Variants in SHISA6 observed in about 807,000 individuals in gnomAD.
The protein encoded by SHISA6 is protein shisa-6.
A neutral mutation model predicts 47.9 loss-of-function variants in SHISA6; 22 were observed. The ratio of observed to expected loss-of-function variants is 0.46; its 90% CI spans 0.33 to 0.66. The LOEUF is 0.66. SHISA6 is among the 30% of genes least tolerant of loss of function. The pLI is 0.02. For synonymous variants in SHISA6, 388 were observed against 337.8 expected, an observed-to-expected ratio of 1.15 and a Z score of -1.63; for missense variants, 680 against 764.6, an observed-to-expected ratio of 0.89 and a Z score of 1.30.
At chr17:11,557,035 T>C (rs1597585793) in intron 5 of SHISA6, among the ~76,000 whole-genome samples, 1 of 152,120 alleles carries the variant, frequency 6.6e-6, no homozygotes, top group East Asian at 1.9e-4. Flanking sequence ...GAGGCGCACA[T>C]GTAAGATTAC....
At chr17:11,385,634 C>T (rs1913165750) in intron 3 of SHISA6, among the ~76,000 whole-genome samples, 2 of 151,984 alleles carry the variant, frequency 1.3e-5, no homozygotes, top group Admixed American at 1.3e-4. Context: ...TAGGAGTTTC[C>T]AGTAGGTGAG....
chr17:11,393,326 AC>A (rs1451927532), intron 3 of SHISA6, among the ~76,000 whole-genome samples: 1 of 152,016 alleles, frequency 6.6e-6, no homozygotes, highest in African/African-American at 2.4e-5. Context: ...ATTCTCTTGA[AC>A]TTACACACCA....
At chr17:11,264,623 A>G (rs762877941) in intron 2 of SHISA6, among the ~76,000 whole-genome samples, 5 of 152,164 alleles carry the variant, frequency 3.3e-5, no homozygotes, top group Non-Finnish European at 7.3e-5. Context: ...CTGCACATCT[A>G]TTGCTCAACA....
At chr17:11,478,131 AT>A (rs1916103583) in intron 3 of SHISA6, among the ~76,000 whole-genome samples, 2 of 58,662 alleles carry the variant, frequency 3.4e-5, no homozygotes, top group East Asian at 8.3e-4. Context: ...GTGAGATGGT[AT>A]CTCATTGTGG....
intron 3 of SHISA6, among the ~76,000 whole-genome samples, chr17:11,482,767 G>A (rs1916252622): frequency 6.6e-6 from 1 of 152,172 alleles, no homozygotes; most frequent in South Asian, 2.1e-4. Flanking sequence ...AATCTGGGAG[G>A]AAGAGAGGAG....
intron 3 of SHISA6, among the ~76,000 whole-genome samples, chr17:11,439,416 G>A (rs1047881392): frequency 2.6e-5 from 4 of 152,136 alleles, no homozygotes; most frequent in African/African-American, 9.7e-5. Flanking sequence ...AGTAACATTG[G>A]AAAGCCTTAG....
chr17:11,247,025 T>C (rs1907619592), intron 1 of SHISA6, among the ~76,000 whole-genome samples: 1 of 152,148 alleles, frequency 6.6e-6, no homozygotes, highest in Non-Finnish European at 1.5e-5. Flanking sequence ...GGGAGCACAT[T>C]CATTTCTGGG....
chr17:11,267,000 GT>G (rs1392263418), intron 2 of SHISA6, among the ~76,000 whole-genome samples: 1 of 152,230 alleles, frequency 6.6e-6, no homozygotes, highest in Non-Finnish European at 1.5e-5. Flanking sequence ...AACTTACTAT[GT>G]ATTGGGTACT....
intron 5 of SHISA6, 73 bp from the exon 6 acceptor site, chr17:11,557,681 G>C: frequency 7.1e-7 from 1 of 1,412,100 alleles, no homozygotes; most frequent in Non-Finnish European, 9.5e-7. Flanking sequence ...GCAGGAGCGG[G>C]GCAGGGTTCT....
At chr17:11,401,602 G>T (rs1211621523) in intron 3 of SHISA6, among the ~76,000 whole-genome samples, 1 of 152,212 alleles carries the variant, frequency 6.6e-6, no homozygotes, top group Non-Finnish European at 1.5e-5. Flanking sequence ...GGGTTCTATA[G>T]TCATCACAAT....
intron 1 of SHISA6, among the ~76,000 whole-genome samples, chr17:11,249,524 G>A (rs1362505552): frequency 6.6e-6 from 1 of 152,170 alleles, no homozygotes; most frequent in Non-Finnish European, 1.5e-5. Flanking sequence ...GTGGCATGCA[G>A]TTTGGGGGTT....
chr17:11,315,629 C>T (rs1023900915), intron 2 of SHISA6, among the ~76,000 whole-genome samples: 1 of 152,080 alleles, frequency 6.6e-6, no homozygotes, highest in Admixed American at 6.5e-5. Flanking sequence ...ATAACTTTTT[C>T]TGCACTTCGA....
intron 3 of SHISA6, among the ~76,000 whole-genome samples, chr17:11,509,217 G>T (rs2071523838): frequency 1.3e-5 from 2 of 152,164 alleles, no homozygotes; most frequent in Admixed American, 6.5e-5. Context: ...GGCAGAAGTT[G>T]CTTCTTAGCT....
intron 2 of SHISA6, among the ~76,000 whole-genome samples, chr17:11,311,273 C>G (rs1269673437): frequency 1.6e-5 from 2 of 122,060 alleles, no homozygotes; most frequent in Non-Finnish European, 3.3e-5. Context: ...CAGAGCAAGA[C>G]TTCGTCAAAA....
At chr17:11,526,023 A>AAC (rs1367944713) in intron 3 of SHISA6, among the ~76,000 whole-genome samples, 5 of 151,490 alleles carry the variant, frequency 3.3e-5, no homozygotes, top group African/African-American at 1.2e-4. Flanking sequence ...GAAAAAAAAA[A>AAC]AACCTGTCTT....
chr17:11,450,556 G>A (rs1445903546), intron 3 of SHISA6, among the ~76,000 whole-genome samples: 2 of 152,024 alleles, frequency 1.3e-5, no homozygotes, highest in Admixed American at 6.5e-5. Context: ...GTACTCGGGA[G>A]ACTGAGGCAG....
At chr17:11,525,195 C>G (rs899036726) in intron 3 of SHISA6, among the ~76,000 whole-genome samples, 17 of 152,172 alleles carry the variant, frequency 1.1e-4, no homozygotes, top group Non-Finnish European at 1.5e-5. Context: ...CATATTTGAT[C>G]TGGCCATTCC....
chr17:11,338,690 A>C (rs1911411163), intron 2 of SHISA6, among the ~76,000 whole-genome samples: 1 of 152,040 alleles, frequency 6.6e-6, no homozygotes, highest in Non-Finnish European at 1.5e-5. Flanking sequence ...TGCTGGCATT[A>C]CAGGCGTGAG....
chr17:11,275,928 G>A (rs1056269197), intron 2 of SHISA6, among the ~76,000 whole-genome samples: 1 of 151,990 alleles, frequency 6.6e-6, no homozygotes, highest in Non-Finnish European at 1.5e-5. Flanking sequence ...CTGACATGTG[G>A]TTTTCATAAT....
Sources: allele counts gnomAD v4.1 joint callset (sites outside exome capture counted in the v4.1 genomes callset), GRCh38; gene constraint gnomAD v4.1.1; transcripts MANE v1.5; gene names NCBI Gene and HGNC (gene_info 2026-07-23, HGNC 2026-07-21).